Variants in OR11A1 observed in about 807,000 individuals in gnomAD.
OR11A1 encodes the protein olfactory receptor family 11 subfamily A member 1.
For missense variants in OR11A1, 380 were observed against 378.2 expected (o/e 1.00, Z -0.04); for synonymous variants, 158 against 152.2 (o/e 1.04, Z -0.28).
intron 1 of OR11A1, chr6:29,440,952 T>G: frequency 6.3e-7 from 1 of 1,599,002 alleles, no homozygotes; most frequent in Non-Finnish European, 8.5e-7. Flanking sequence ...TATGGAGATT[T>G]GAAAAGGGGG....
At chr6:29,439,951 G>A (rs1783965942) in intron 1 of OR11A1, 1 of 1,284,966 alleles carries the variant, frequency 7.8e-7, no homozygotes, top group Non-Finnish European at 1.1e-6. Flanking sequence ...CCCATTTCAC[G>A]ATTCCATAGT....
At position 29,427,241 on chromosome 6, in the gene OR11A1, G is replaced by C; in HGVS notation, c.401C>G (p.Pro134Arg). Residue 134 changes from proline to arginine, a missense_variant, in exon 5 of 5, where the codon CCA (proline) becomes CGA (arginine). Coordinates refer to ENST00000377149, the MANE Select transcript of OR11A1 (RefSeq NM_001394828.1). ...YLAICYPLHY[P>R]LLMGPRRYMG... ...GTACCGTCTGGGCCCCATCAGGAGT[G>C]GGTAGTGGAGTGGGTAGCAAATTGC... 1 of 1,613,110 alleles carries C rather than the reference G, an allele frequency of 6.2e-7. No individual in the cohort carries two copies. Among genetic ancestry groups the C allele is most frequent in the East Asian group, 2.2e-5 (1 of 44,874 alleles).
At chr6:29,449,241 T>C (rs1001999256) in intron 1 of OR11A1, among the ~76,000 whole-genome samples, 39 of 152,072 alleles carry the variant, frequency 2.6e-4, no homozygotes, top group Admixed American at 2.5e-3. Context: ...TTATAACAAA[T>C]TACCACTCTA....
At chr6:29,439,942 C>T (rs772472470) in intron 1 of OR11A1, 3 of 1,141,778 alleles carry the variant, frequency 2.6e-6, no homozygotes, top group Non-Finnish European at 3.9e-6. Flanking sequence ...TCATCTTTGC[C>T]CATTTCACGA....
chr6:29,439,711 G>C, intron 1 of OR11A1: 1 of 419,038 alleles, frequency 2.4e-6, no homozygotes, highest in East Asian at 3.9e-5. Context: ...CTTCAGCCCA[G>C]GTAAAACTGG....
chr6:29,431,386 A>G (rs1783218564), intron 2 of OR11A1, among the ~76,000 whole-genome samples: 1 of 152,202 alleles, frequency 6.6e-6, no homozygotes, highest in Non-Finnish European at 1.5e-5. Context: ...ACTCCATAAT[A>G]AAACATTAAA....
At chr6:29,444,611 C>T (rs776830782) in intron 1 of OR11A1, among the ~76,000 whole-genome samples, 4 of 152,138 alleles carry the variant, frequency 2.6e-5, no homozygotes, top group Non-Finnish European at 5.9e-5. Context: ...TCACAAAGAA[C>T]CAGAAGGAAG....
Position 29,426,655 on chromosome 6 carries a change from G to A in OR11A1, c.*39C>T. The A allele has an allele frequency of 6.6e-7, 1 of 1,514,222 alleles. No homozygotes were observed. Among genetic ancestry groups the A allele is most frequent in the Admixed American group, 1.8e-5 (1 of 55,310 alleles). The allele number at this position is 1,514,222 out of a possible 1,614,324, so 93.8% of individuals were successfully genotyped here. ...CCATCCTGGAAGAGTCCCCAGTGGA[G>A]GTGTCCGAAGTCCAAAATAACATCT... is the stretch of plus-strand genomic sequence containing the variant. On this transcript the variant is annotated 3_prime_UTR_variant, in exon 5 of 5. Coordinates refer to ENST00000377149, the MANE Select transcript of OR11A1 (RefSeq NM_001394828.1).
chr6:29,431,056 CTGTT>C (rs1253842098), intron 2 of OR11A1, among the ~76,000 whole-genome samples: 1 of 152,120 alleles, frequency 6.6e-6, no homozygotes, highest in African/African-American at 2.4e-5. Flanking sequence ...TGCAAAATGC[CTGTT>C]TGTTGTCTAA....
intron 4 of OR11A1, among the ~76,000 whole-genome samples, chr6:29,428,712 G>A (rs1404331800): frequency 7.5e-6 from 1 of 133,120 alleles, no homozygotes; most frequent in Non-Finnish European, 1.5e-5. Flanking sequence ...AGCCGATATC[G>A]CGCCACTGCA....
chr6:29,451,960 A>C (rs1363687190), intron 1 of OR11A1, among the ~76,000 whole-genome samples: 1 of 152,196 alleles, frequency 6.6e-6, no homozygotes, highest in Non-Finnish European at 1.5e-5. Flanking sequence ...GGAGAAGAAA[A>C]ATGCATGGTA....
chr6:29,437,316 A>G (rs186540778), intron 1 of OR11A1, among the ~76,000 whole-genome samples: 2 of 152,366 alleles, frequency 1.3e-5, no homozygotes, highest in East Asian at 3.9e-4. Context: ...AGACTGGATT[A>G]AGAAAATGTG....
chr6:29,443,719 A>G (rs1385413241), intron 1 of OR11A1, among the ~76,000 whole-genome samples: 1 of 152,226 alleles, frequency 6.6e-6, no homozygotes, highest in Non-Finnish European at 1.5e-5. Context: ...TTAAGAAATT[A>G]AGTAATCACT....
At chr6:29,449,194 G>A (rs1785080159) in intron 1 of OR11A1, among the ~76,000 whole-genome samples, 1 of 152,162 alleles carries the variant, frequency 6.6e-6, no homozygotes, top group African/African-American at 2.4e-5. Flanking sequence ...AACAATGGAC[G>A]TTGGGTGATA....
intron 1 of OR11A1, among the ~76,000 whole-genome samples, chr6:29,432,550 G>C (rs1335990506): frequency 6.6e-6 from 1 of 152,266 alleles, no homozygotes; most frequent in African/African-American, 2.4e-5. Flanking sequence ...ACCACCCTTA[G>C]TAGGGGTGTT....
rs192300749 is a variant in OR11A1, at chr6:29,434,238, C to G, written c.-388-2251G>C. ...AGGATCATATACAAGAAATCTTGCC[C>G]ATACCAACGTCATGGAACTTTTCTC... On this transcript the variant is annotated intron_variant, in intron 1 of 4. Coordinates refer to ENST00000377149, the MANE Select transcript of OR11A1 (RefSeq NM_001394828.1). Among the ~76,000 whole-genome samples, 3 of 152,236 alleles carry G rather than the reference C, an allele frequency of 2.0e-5. No individual in the cohort carries two copies. In the East Asian group the frequency reaches 5.8e-4, roughly 29 times the overall value.
intron 1 of OR11A1, among the ~76,000 whole-genome samples, chr6:29,432,253 G>A (rs903074302): frequency 3.9e-5 from 6 of 152,208 alleles, no homozygotes; most frequent in South Asian, 4.2e-4. Context: ...TTTCAAAGGC[G>A]GTTTCCTGAA....
chr6:29,426,682 C>T lies in OR11A1; in HGVS notation c.*12G>A. ...TGTCCGAAGTCCAAAATAACATCTT[C>T]ATTACTCTCCTTCAATCAAGTGTTT... is the stretch of plus-strand genomic sequence containing the variant. On this transcript the variant is annotated 3_prime_UTR_variant, in exon 5 of 5. Transcript: ENST00000377149. The T allele has an allele frequency of 6.3e-7, 1 of 1,595,296 alleles. No individual in the cohort carries two copies. The highest frequency in any genetic ancestry group is 1.1e-5 in the South Asian group (1 of 88,090).
At chr6:29,446,096 C>T (rs1488470065) in intron 1 of OR11A1, among the ~76,000 whole-genome samples, 5 of 152,146 alleles carry the variant, frequency 3.3e-5, no homozygotes, top group African/African-American at 1.2e-4. Flanking sequence ...AGATGCCACC[C>T]ATCATCTATT....
Sources: allele counts gnomAD v4.1 joint callset (sites outside exome capture counted in the v4.1 genomes callset), GRCh38; gene constraint gnomAD v4.1.1; transcripts MANE v1.5; gene names NCBI Gene and HGNC (gene_info 2026-07-23, HGNC 2026-07-21).